The following ATAD2B variants were observed in gnomAD, a reference collection of about 807,000 sequenced individuals.
The protein encoded by ATAD2B is ATPase family AAA domain containing 2B.
ATAD2B carries 40 observed loss-of-function variants against 167.6 expected under a neutral mutation model. The ratio of observed to expected loss-of-function variants is 0.24; its 90% confidence interval spans 0.19 to 0.31. The LOEUF is 0.31. Ranked by LOEUF, ATAD2B falls within the 10% of genes least tolerant of loss-of-function variation. The pLI, the probability that ATAD2B is intolerant of heterozygous loss-of-function variation, is 1.00. For missense variants in ATAD2B, 1,242 were observed against 1,757.2 expected (o/e 0.71, Z 5.24); for synonymous variants, 579 against 596.5 (o/e 0.97, Z 0.43).
At chr2:23,884,070 G>C (rs1391875268) in intron 6 of ATAD2B, among the ~76,000 whole-genome samples, 1 of 152,130 alleles carries the variant, frequency 6.6e-6, no homozygotes. Flanking sequence ...CTTGAACCCA[G>C]GAGGCGGAGG....
chr2:23,926,987 G>C lies in ATAD2B; in HGVS notation c.-217C>G, dbSNP rs1167381567. 3.6e-6 allele frequency: 2 copies of C among 553,570 alleles called. No individual in the cohort carries two copies. The highest frequency in any genetic ancestry group is 7.7e-5 in the Admixed American group (2 of 25,908). 34.3% of individuals were successfully genotyped at this position (553,570 alleles called of 1,614,324 possible). On this transcript the variant is annotated 5_prime_UTR_variant, in exon 1 of 28. Coordinates refer to ENST00000238789, the MANE Select transcript of ATAD2B (RefSeq NM_017552.4). Reference sequence around the variant, plus strand: ...TGCGGGAAGCGGGGGCGGTGCTGCAGACCGGCAGCACAGACACTCCGCCGG... The same window carrying C: ...TGCGGGAAGCGGGGGCGGTGCTGCACACCGGCAGCACAGACACTCCGCCGG...
At chr2:23,857,108 A>G (rs1468367233) in intron 13 of ATAD2B, among the ~76,000 whole-genome samples, 1 of 152,216 alleles carries the variant, frequency 6.6e-6, no homozygotes, top group Non-Finnish European at 1.5e-5. Context: ...TTTGCAACGC[A>G]TTCGGTCTCT....
chr2:23,859,292 CTTAT>C (rs535903874), intron 12 of ATAD2B, among the ~76,000 whole-genome samples: 130 of 151,966 alleles, frequency 8.6e-4, no homozygotes, highest in Admixed American at 5.7e-3. Context: ...CTAGAAGCTA[CTTAT>C]TTATTTATTT....
intron 8 of ATAD2B, chr2:23,872,938 T>C: frequency 1.3e-6 from 1 of 756,478 alleles, no homozygotes; most frequent in Non-Finnish European, 2.5e-6. Flanking sequence ...ATTGGCATTG[T>C]ACCAGTCGCT....
intron 19 of ATAD2B, among the ~76,000 whole-genome samples, chr2:23,794,125 T>A (rs1682238410): frequency 6.6e-6 from 1 of 152,140 alleles, no homozygotes. Context: ...TCCTCCCACC[T>A]CAGCCTCCTG....
chr2:23,715,725 C>T, the ATAD2B span, among the ~76,000 whole-genome samples: 1 of 126,902 alleles, frequency 7.9e-6, no homozygotes, highest in Non-Finnish European at 1.8e-5. Context: ...TGGTTAAATA[C>T]TGAAGCTCAA....
chr2:23,899,770 T>A (rs1185338283), intron 1 of ATAD2B, among the ~76,000 whole-genome samples: 1 of 151,560 alleles, frequency 6.6e-6, no homozygotes, highest in Non-Finnish European at 1.5e-5. Context: ...TTTGTATTTT[T>A]ACTAGAGACC....
chr2:23,738,809 C>A, the ATAD2B span, among the ~76,000 whole-genome samples: 1 of 152,150 alleles, frequency 6.6e-6, no homozygotes, highest in Non-Finnish European at 1.5e-5. Flanking sequence ...AAACCCATCT[C>A]ACGTGCAGAG....
At chr2:23,734,208 T>C in the ATAD2B span, among the ~76,000 whole-genome samples, 3 of 152,024 alleles carry the variant, frequency 2.0e-5, no homozygotes, top group South Asian at 6.2e-4. Flanking sequence ...CCAGGCTGGA[T>C]TGCAGTGGCG....
At chr2:23,898,558 C>T (rs1700408108) in intron 1 of ATAD2B, among the ~76,000 whole-genome samples, 1 of 152,206 alleles carries the variant, frequency 6.6e-6, no homozygotes, top group Non-Finnish European at 1.5e-5. Flanking sequence ...AACTCAACCA[C>T]CTTGGGCACA....
intron 4 of ATAD2B, 54 bp from the exon 5 acceptor site, chr2:23,885,883 A>C: frequency 3.9e-6 from 4 of 1,027,790 alleles, no homozygotes; most frequent in East Asian, 2.6e-5. Context: ...CATATACATA[A>C]AAGAGCTCTT....
chr2:23,748,728 T>C lies in ATAD2B; in HGVS notation c.*3318A>G, dbSNP rs895954560. 7 of 152,166 alleles carry C rather than the reference T, an allele frequency of 4.6e-5. No homozygotes were observed. The highest frequency in any genetic ancestry group is 1.7e-4 in the African/African-American group (7 of 41,438). The allele number at this position is 152,166 out of a possible 1,614,324, so 9.4% of individuals were successfully genotyped here. Reference sequence around the variant, plus strand: ...TTATATTACAAATTACAGTAAATGTTCAAATTCCAGAATTCAAAAATTAAA... The same window carrying C: ...TTATATTACAAATTACAGTAAATGTCCAAATTCCAGAATTCAAAAATTAAA... On this transcript the variant is annotated 3_prime_UTR_variant, in exon 28 of 28. Coordinates refer to ENST00000238789, the MANE Select transcript of ATAD2B (RefSeq NM_017552.4).
At chr2:23,889,562 T>C (rs949863682) in intron 2 of ATAD2B, among the ~76,000 whole-genome samples, 6 of 152,150 alleles carry the variant, frequency 3.9e-5, no homozygotes, top group African/African-American at 1.4e-4. Flanking sequence ...AAATTATAAA[T>C]ATATTGTACA....
At chr2:23,924,089 A>T (rs1317578740) in intron 1 of ATAD2B, among the ~76,000 whole-genome samples, 1 of 126,868 alleles carries the variant, frequency 7.9e-6, no homozygotes, top group Non-Finnish European at 1.7e-5. Context: ...AGGCTGAGGC[A>T]GGAGAATGGC....
chr2:23,728,700 G>T, the ATAD2B span, among the ~76,000 whole-genome samples: 4 of 152,004 alleles, frequency 2.6e-5, no homozygotes, highest in Non-Finnish European at 2.9e-5. Context: ...TAGTCAGTAG[G>T]GGGTGTTTTT....
the ATAD2B span, among the ~76,000 whole-genome samples, chr2:23,736,265 G>A: frequency 6.6e-6 from 1 of 152,084 alleles, no homozygotes; most frequent in Non-Finnish European, 1.5e-5. Flanking sequence ...TTCTTCCCTT[G>A]GGTTGGTTTT....
At chr2:23,758,159 CAT>C in intron 24 of ATAD2B, 58 bp from the exon 25 acceptor site, 2 of 1,344,692 alleles carry the variant, frequency 1.5e-6, no homozygotes, top group East Asian at 2.3e-5. Context: ...ACCAATTTTA[CAT>C]ATGTTTATTA....
chr2:23,745,220 G>A (rs754159695), downstream of ATAD2B, among the ~76,000 whole-genome samples: 4 of 152,092 alleles, frequency 2.6e-5, no homozygotes, highest in Non-Finnish European at 5.9e-5. Context: ...CTGAGAGGCA[G>A]AGGCGGCAGT....
At chr2:23,706,661 C>T in the ATAD2B span, 1 of 1,519,162 alleles carries the variant, frequency 6.6e-7, no homozygotes, top group South Asian at 1.2e-5. Flanking sequence ...TTCAAAGCGG[C>T]TGACATCAGC....
Sources: allele counts gnomAD v4.1 joint callset (sites outside exome capture counted in the v4.1 genomes callset), GRCh38; gene constraint gnomAD v4.1.1; transcripts MANE v1.5; gene names NCBI Gene and HGNC (gene_info 2026-07-23, HGNC 2026-07-21).